The following ADAM8 variants were observed in gnomAD, a reference collection of about 807,000 sequenced individuals.
ADAM8 encodes disintegrin and metalloproteinase domain-containing protein 8.
ADAM8 carries 104 observed loss-of-function variants against 102.4 expected under a neutral mutation model. The observed-to-expected ratio is 1.02, with a 90% CI of 0.87 to 1.20. ADAM8 has a LOEUF of 1.20. Among genes scored for constraint, ADAM8 ranks in the 50% most tolerant of loss-of-function variants. ADAM8 has a pLI of 0.00. For missense variants in ADAM8, 1,132 were observed against 1,159.0 expected (o/e 0.98, Z 0.34); for synonymous variants, 517 against 485.2 (o/e 1.07, Z -0.86).
chr10:133,270,452 T>C lies in ADAM8; in HGVS notation c.1693A>G (p.Ile565Val), dbSNP rs992992980. 4.4e-6 allele frequency: 7 copies of C among 1,606,182 alleles called. No individual in the cohort carries two copies. Among genetic ancestry groups the C allele is most frequent in the Middle Eastern group, 1.7e-4 (1 of 5,880 alleles). The change falls in exon 16 of 23, where the codon ATC (isoleucine) becomes GTC (valine). Residue 565 changes from isoleucine to valine, a missense_variant. Physicochemically the swap from Ile to Val is conservative, Grantham distance 29. Coordinates refer to ENST00000445355, the MANE Select transcript of ADAM8 (RefSeq NM_001109.5). ...KGGQQPLGRAICIVDVCHALT... is the reference protein window; with the variant it reads ...KGGQQPLGRAVCIVDVCHALT... Reference sequence around the variant, plus strand: ...GCGTGGCACACATCCACGATGCAGATGGCACGCCCCAGGGGCTGCTGCCCA... The same window carrying C: ...GCGTGGCACACATCCACGATGCAGACGGCACGCCCCAGGGGCTGCTGCCCA...
In ADAM8 at chr10:133,274,085, A is replaced by G. The variant is rs1048826535; in HGVS notation, c.228-56T>C. ...CCCCTCGGTGCAGAGAGGCTGGCCC[A>G]GAGGCTGGACGCCGGGGACACCAGT... On this transcript the variant is annotated intron_variant, in intron 3 of 22. Transcript: ENST00000445355. 3.8e-5 allele frequency: 60 copies of G among 1,589,342 alleles called. No homozygotes were observed. The Admixed American group carries it at 1.1e-3, about 28-fold the overall frequency.
rs770866855 is a variant in ADAM8, at chr10:133,272,937, C to T, written c.636+20G>A. The T allele has an allele frequency of 1.9e-6, 3 of 1,612,706 alleles. No individual in the cohort carries two copies. The highest frequency in any genetic ancestry group is 2.5e-6 in the Non-Finnish European group (3 of 1,179,726). ...CCCCCGCCGCCGGCTGCTCTCCCACCTTCCCTGCCCCCAACACACCTCTGC... is the reference window on the plus strand; with the variant it reads ...CCCCCGCCGCCGGCTGCTCTCCCACTTTCCCTGCCCCCAACACACCTCTGC... On this transcript the variant is annotated intron_variant, in intron 7 of 22. Coordinates refer to ENST00000445355, the MANE Select transcript of ADAM8 (RefSeq NM_001109.5).
rs566548471 is a variant in ADAM8, at chr10:133,267,973, G to A, written c.2209C>T (p.Arg737Ter). The A allele has an allele frequency of 4.0e-5, 50 of 1,261,688 alleles. No individual in the cohort carries two copies. The South Asian group carries it at 6.2e-4, about 16-fold the overall frequency. The allele number at this position is 1,261,688 out of a possible 1,614,324, so 78.2% of individuals were successfully genotyped here. Residue 737 changes from arginine to a stop codon, truncating the protein, a stop_gained, in exon 20 of 23, where the codon CGA (arginine) becomes TGA (stop). Transcript: ENST00000445355. LOFTEE classifies it high-confidence loss of function. ...VPTTHPGQPA[R>*]HPASSVALKR... ...AGAGCCACCGAGGAGGCCGGGTGTC[G>A]GGCGGGCTGGCCCGGGTGGGTGGTG...
At chr10:133,275,795 C>T (rs1239975814) in intron 1 of ADAM8, 1 of 512,520 alleles carries the variant, frequency 2.0e-6, no homozygotes, top group East Asian at 3.5e-5. Context: ...GGCCTGTGTC[C>T]TGCAGCACCC....
At position 133,274,047 on chromosome 10, in the gene ADAM8, T is replaced by A; in HGVS notation, c.228-18A>T. ...GCAGGTCCCTGGAAAAGAAGTGCTG[T>A]GACTGCCTCGGCCCCCTCGGTGCAG... On this transcript the variant is annotated intron_variant, in intron 3 of 22. Transcript: ENST00000445355. 1.2e-6 allele frequency: 2 copies of A among 1,601,162 alleles called. No homozygotes were observed. The highest frequency in any genetic ancestry group is 1.7e-6 in the Non-Finnish European group (2 of 1,175,436).
rs1165540502 is a variant in ADAM8 at position 133,270,906 on chromosome 10, C to T, written c.1539G>A (p.Gln513=). 6.2e-7 allele frequency: 1 copy of T among 1,612,086 alleles called. No individual in the cohort carries two copies. Among genetic ancestry groups the T allele is most frequent in the Admixed American group, 1.7e-5 (1 of 59,976 alleles). The part of the protein sequence containing the change: ...CYNGACPTLA[Q]QCQAFWGPGG... ...CTGGCCCCCAGAAGGCCTGGCACTG[C>T]TGGGCCAGTGTGGGACAGGCCCCGT... Residue 513 remains glutamine (Q), a synonymous_variant, in exon 14 of 23, where the codon CAG becomes CAA. Transcript: ENST00000445355.
intron 21 of ADAM8, among the ~76,000 whole-genome samples, chr10:133,264,498 A>G (rs533392893): frequency 6.6e-6 from 1 of 152,322 alleles, no homozygotes; most frequent in African/African-American, 2.4e-5. Flanking sequence ...AGAGCTGTGG[A>G]GCTCACTCCT....
chr10:133,272,505 G>T lies in ADAM8; in HGVS notation c.786C>A (p.Pro262=). The T allele has an allele frequency of 6.2e-7, 1 of 1,612,226 alleles. No individual in the cohort carries two copies. The highest frequency in any genetic ancestry group is 2.2e-5 in the East Asian group (1 of 44,872). ...WNSQDRFHVS[P]DPSVTLENLL... ...GGTTCTCCAGTGTGACACTGGGGTC[G>T]GGGCTGACGTGGAACCTGTCCTGAC... is the stretch of plus-strand genomic sequence containing the variant. Residue 262 remains proline, a synonymous_variant, in exon 9 of 23, where the codon CCC becomes CCA. Coordinates refer to ENST00000445355, the MANE Select transcript of ADAM8 (RefSeq NM_001109.5).
chr10:133,272,154 TGGCCTC>T (rs1395106002), intron 10 of ADAM8, 33 bp downstream of exon 10: 1 of 1,543,604 alleles, frequency 6.5e-7, no homozygotes. Flanking sequence ...TATCCAGCTC[TGGCCTC>T]GGCCTGGCAA....
intron 2 of ADAM8, chr10:133,274,782 A>G (rs1364728467): frequency 2.6e-6 from 1 of 385,058 alleles, no homozygotes; most frequent in Non-Finnish European, 5.3e-6. Flanking sequence ...CATCCCTTCC[A>G]GCAGCTGCCG....
chr10:133,270,964 T>A lies in ADAM8; in HGVS notation c.1481A>T (p.Asn494Ile), dbSNP rs1018869176. 2 of 1,612,834 alleles carry A rather than the reference T, an allele frequency of 1.2e-6. No individual in the cohort carries two copies. The highest frequency in any genetic ancestry group is 8.5e-7 in the Non-Finnish European group (1 of 1,179,956). ...PECPEDAFQE[N>I]GTPCSGGYCY... ...GTAGCCCCCGGAGCAGGGCGTGCCG[T>A]TCTCCTGGAAGGCGTCTTCCGGGCA... Residue 494 changes from asparagine (N) to isoleucine (I), a missense_variant, in exon 14 of 23, where the codon AAC becomes ATC. Coordinates refer to ENST00000445355, the MANE Select transcript of ADAM8 (RefSeq NM_001109.5).
chr10:133,268,638 G>T, intron 19 of ADAM8, 110 bp downstream of exon 19: 1 of 1,227,008 alleles, frequency 8.1e-7, no homozygotes, highest in Non-Finnish European at 1.1e-6. Context: ...GCACAGAGGA[G>T]CCTGGGTGTC....
rs779618600 is a variant in ADAM8, at chr10:133,269,475, A to G, written c.1918T>C (p.Cys640Arg). The G allele has an allele frequency of 3.1e-6, 5 of 1,600,508 alleles. No individual in the cohort carries two copies. The highest frequency in any genetic ancestry group is 1.3e-5 in the African/African-American group (1 of 74,946). Residue 640 changes from cysteine (C) to arginine (R), a missense_variant, in exon 18 of 23, where the codon TGC (cysteine) becomes CGC (arginine). Transcript: ENST00000445355. ...HCHAGWAPPH[C>R]AKLLTEVHAA... ...TGCACCTCAGTCAGCAGCTTCGCGCAGTGGGGCGGGGCCCAGCCCGCGTGG... is the reference window on the plus strand; with the variant it reads ...TGCACCTCAGTCAGCAGCTTCGCGCGGTGGGGCGGGGCCCAGCCCGCGTGG...
At position 133,272,788 on chromosome 10, in the gene ADAM8, C is replaced by T. The variant is rs746902621; in HGVS notation, c.705+10G>A. The T allele has an allele frequency of 1.2e-5, 20 of 1,606,324 alleles. No homozygotes were observed. In the Admixed American group the frequency reaches 1.8e-4, roughly 15 times the overall value. On this transcript the variant is annotated intron_variant, in intron 8 of 22. Coordinates refer to ENST00000445355, the MANE Select transcript of ADAM8 (RefSeq NM_001109.5). Reference sequence around the variant, plus strand: ...GCTCTGGCACCTCTGCAGCCAGGACCGCTGCCCACCTTGTCCACGTGATTC... The same window carrying T: ...GCTCTGGCACCTCTGCAGCCAGGACTGCTGCCCACCTTGTCCACGTGATTC...
Position 133,270,922 on chromosome 10 carries a change from C to G in ADAM8, c.1523G>C (p.Cys508Ser), listed in dbSNP as rs566868936. Residue 508 changes from cysteine to serine, a missense_variant, in exon 14 of 23, where the codon TGT becomes TCT. By Grantham distance (112) the Cys-to-Ser change is moderately radical. Coordinates refer to ENST00000445355, the MANE Select transcript of ADAM8 (RefSeq NM_001109.5). ...CTGGCACTGCTGGGCCAGTGTGGGA[C>G]AGGCCCCGTTGTAGCAGTAGCCCCC... ...CSGGYCYNGA[C>S]PTLAQQCQAF... 2 of 1,612,680 alleles carry G rather than the reference C, an allele frequency of 1.2e-6. No individual in the cohort carries two copies. Among genetic ancestry groups the G allele is most frequent in the South Asian group, 2.2e-5 (2 of 91,076 alleles).
chr10:133,264,829 G>C (rs4838676), intron 21 of ADAM8, among the ~76,000 whole-genome samples: 1 of 128,720 alleles, frequency 7.8e-6, no homozygotes, highest in Non-Finnish European at 1.6e-5. Context: ...CTCCACGCCC[G>C]GCTCCTGCTG....
intron 16 of ADAM8, 52 bp from the exon 17 acceptor site, chr10:133,270,026 A>G: frequency 6.3e-7 from 1 of 1,586,162 alleles, no homozygotes; most frequent in Non-Finnish European, 8.6e-7. Flanking sequence ...CTGCCCCGCC[A>G]GCGTCCCTTG....
Position 133,271,644 on chromosome 10 carries a change from G to A in ADAM8, c.1168C>T (p.Arg390Trp), listed in dbSNP as rs1454100606. The A allele has an allele frequency of 7.7e-6, 12 of 1,556,632 alleles. No homozygotes were observed. The highest frequency in any genetic ancestry group is 4.7e-5 in the South Asian group (4 of 85,284). ...TTGGCGAGGCACACCGACTGCGGCCGCTCCAAAAAGCTCTCCAGGTAGGCC... is the reference window on the plus strand; with the variant it reads ...TTGGCGAGGCACACCGACTGCGGCCACTCCAAAAAGCTCTCCAGGTAGGCC... ...SQAYLESFLERPQSVCLANAP... is the reference protein window; with the variant it reads ...SQAYLESFLEWPQSVCLANAP... Residue 390 changes from arginine (R) to tryptophan (W), a missense_variant, in exon 12 of 23, where the codon CGG (arginine) becomes TGG (tryptophan). By Grantham distance (101) the Arg-to-Trp change is moderately radical (BLOSUM62 -3). Coordinates refer to ENST00000445355, the MANE Select transcript of ADAM8 (RefSeq NM_001109.5).
At chr10:133,269,368 G>C (rs536056156) in intron 18 of ADAM8, 77 bp downstream of exon 18, 3 of 1,386,766 alleles carry the variant, frequency 2.2e-6, no homozygotes, top group South Asian at 3.0e-5. Flanking sequence ...TCCCGGGCCC[G>C]CGGCTTCTGC....
Sources: allele counts gnomAD v4.1 joint callset (sites outside exome capture counted in the v4.1 genomes callset), GRCh38; gene constraint gnomAD v4.1.1; transcripts MANE v1.5; gene names NCBI Gene and HGNC (gene_info 2026-07-23, HGNC 2026-07-21).